The following HECW1 variants were observed in gnomAD, a reference collection of about 807,000 sequenced individuals.
HECW1 encodes HECT, C2 and WW domain containing E3 ubiquitin protein ligase 1.
In HECW1, 61 loss-of-function variants were observed where a neutral mutation model predicts 182.3. That is an observed-to-expected ratio of 0.33 (90% CI 0.27 to 0.41). The LOEUF is 0.41. Ranked by LOEUF, HECW1 falls within the 10% of genes least tolerant of loss-of-function variation. The pLI is 1.00. For missense variants in HECW1, 1,739 were observed against 2,108.9 expected (o/e 0.82, Z 3.44); for synonymous variants, 859 against 832.6 (o/e 1.03, Z -0.55).
intron 26 of HECW1, among the ~76,000 whole-genome samples, chr7:43,544,099 T>C (rs1318955068): frequency 1.3e-5 from 2 of 152,222 alleles, no homozygotes; most frequent in African/African-American, 4.8e-5. Context: ...AATTTTTATT[T>C]TTAATCTTGC....
intron 7 of HECW1, among the ~76,000 whole-genome samples, chr7:43,406,888 C>G (rs560046602): frequency 6.6e-6 from 1 of 152,174 alleles, no homozygotes; most frequent in African/African-American, 2.4e-5. Context: ...CACTGCACTT[C>G]AGCCTGGGTG....
At chr7:43,422,390 T>A (rs1159675440) in intron 8 of HECW1, among the ~76,000 whole-genome samples, 2 of 146,144 alleles carry the variant, frequency 1.4e-5, no homozygotes, top group Admixed American at 1.4e-4. Context: ...TTTTGAGGAG[T>A]CTCGCTCTGT....
chr7:43,301,889 AAG>A (rs1491465826), intron 3 of HECW1, among the ~76,000 whole-genome samples: 2 of 143,932 alleles, frequency 1.4e-5, no homozygotes, highest in African/African-American at 5.3e-5. Context: ...AAAAAAAAAA[AAG>A]AAGCAGGAGA....
At chr7:43,367,979 C>T (rs552064149) in intron 6 of HECW1, among the ~76,000 whole-genome samples, 1 of 152,296 alleles carries the variant, frequency 6.6e-6, no homozygotes, top group East Asian at 1.9e-4. Context: ...CCAGTCCATG[C>T]AACACTCTGC....
chr7:43,500,648 T>C (rs773957753), intron 19 of HECW1, 51 bp from the exon 20 acceptor site: 1 of 1,309,554 alleles, frequency 7.6e-7, no homozygotes, highest in African/African-American at 1.5e-5. Context: ...AATGTATTTC[T>C]GAGTTTATGT....
intron 13 of HECW1, among the ~76,000 whole-genome samples, chr7:43,459,662 C>T (rs141701728): frequency 0.027 from 4,063 of 152,024 alleles, 194 homozygotes; most frequent in African/African-American, 0.092. Context: ...CTCAGCCTCC[C>T]GAGTAGCTGG....
intron 2 of HECW1, among the ~76,000 whole-genome samples, chr7:43,138,684 CCT>C (rs1454239131): frequency 1.3e-5 from 2 of 152,070 alleles, no homozygotes; most frequent in African/African-American, 2.4e-5. Context: ...TAGTAAAAAC[CCT>C]CTCTCTCTTT....
intron 2 of HECW1, among the ~76,000 whole-genome samples, chr7:43,218,406 C>T (rs367948558): frequency 6.6e-6 from 1 of 152,162 alleles, no homozygotes; most frequent in Admixed American, 6.5e-5. Context: ...GATCTGAACA[C>T]AGCAGTGGTT....
At chr7:43,507,933 C>G (rs1046705243) in intron 22 of HECW1, 85 bp from the exon 23 acceptor site, 1 of 903,902 alleles carries the variant, frequency 1.1e-6, no homozygotes, top group Non-Finnish European at 1.8e-6. Flanking sequence ...GAGTGAGAAC[C>G]TAAACCTGGA....
chr7:43,482,299 G>C (rs968637887), intron 17 of HECW1, among the ~76,000 whole-genome samples: 1 of 152,188 alleles, frequency 6.6e-6, no homozygotes, highest in Non-Finnish European at 1.5e-5. Context: ...CTCAGCCTAG[G>C]GATAAGGAGA....
intron 8 of HECW1, among the ~76,000 whole-genome samples, chr7:43,408,199 G>T (rs1440849005): frequency 3.9e-5 from 6 of 152,124 alleles, no homozygotes; most frequent in Non-Finnish European, 8.8e-5. Context: ...AATATCCCTG[G>T]TTGGGTTAAA....
At chr7:43,555,118 A>G (rs534984468) in intron 29 of HECW1, among the ~76,000 whole-genome samples, 3 of 152,206 alleles carry the variant, frequency 2.0e-5, no homozygotes, top group Non-Finnish European at 1.5e-5. Flanking sequence ...ACATTAATAT[A>G]AAAATGCTGG....
chr7:43,115,299 C>CTT (rs34686016), intron 2 of HECW1, among the ~76,000 whole-genome samples: 10,775 of 138,050 alleles, frequency 0.078, 679 homozygotes, highest in East Asian at 0.14. Context: ...TCAAACAGGT[C>CTT]TTTTTTTTTT....
At chr7:43,538,715 A>G (rs751721976) in intron 24 of HECW1, among the ~76,000 whole-genome samples, 1 of 152,242 alleles carries the variant, frequency 6.6e-6, no homozygotes, top group Non-Finnish European at 1.5e-5. Flanking sequence ...GACCAAAACC[A>G]TAAAATAGAA....
At chr7:43,130,882 T>C (rs1485728841) in intron 2 of HECW1, among the ~76,000 whole-genome samples, 1 of 152,088 alleles carries the variant, frequency 6.6e-6, no homozygotes, top group African/African-American at 2.4e-5. Flanking sequence ...TAACTGGGTA[T>C]ACAATAATCT....
At chr7:43,501,488 T>G (rs1012940772) in intron 21 of HECW1, among the ~76,000 whole-genome samples, 166 bp downstream of exon 21, 43 of 152,302 alleles carry the variant, frequency 2.8e-4, no homozygotes, top group African/African-American at 1.0e-3. Context: ...GCCTGTTTTT[T>G]GTAATGCCCC....
rs114413078 is a variant in HECW1 at position 43,453,534 on chromosome 7, T to C, written c.2500+2605T>C. ...CCAGGTAGTAATGTCAAGAAGGAAA[T>C]TGAATGTGTGACTCTGAAGTTCAAG... On this transcript the variant is annotated intron_variant, in intron 12 of 29. Coordinates refer to ENST00000395891, the MANE Select transcript of HECW1 (RefSeq NM_015052.5). Among the ~76,000 whole-genome samples, 505 of 152,284 alleles carry C rather than the reference T, an allele frequency of 3.3e-3. 5 individuals carry two copies. The highest frequency in any genetic ancestry group is 0.012 in the African/African-American group (491 of 41,552).
intron 3 of HECW1, among the ~76,000 whole-genome samples, chr7:43,258,979 T>A (rs1800883823): frequency 6.6e-6 from 1 of 152,108 alleles, no homozygotes; most frequent in Non-Finnish European, 1.5e-5. Context: ...CAACTCTTAG[T>A]GAAATATGAA....
chr7:43,460,553 TGTGTGC>T, intron 13 of HECW1, among the ~76,000 whole-genome samples: 1 of 151,790 alleles, frequency 6.6e-6, no homozygotes, highest in South Asian at 2.1e-4. Flanking sequence ...TGTGTGTGCG[TGTGTGC>T]GTGTGTGTGT....
Sources: allele counts gnomAD v4.1 joint callset (sites outside exome capture counted in the v4.1 genomes callset), GRCh38; gene constraint gnomAD v4.1.1; transcripts MANE v1.5; gene names NCBI Gene and HGNC (gene_info 2026-07-23, HGNC 2026-07-21).